The following CCPG1 variants were observed in gnomAD, a reference collection of about 807,000 sequenced individuals.
The protein encoded by CCPG1 is cell cycle progression protein 1.
CCPG1 carries 46 observed loss-of-function variants against 81.3 expected under a neutral mutation model. The ratio of observed to expected loss-of-function variants is 0.57; its 90% confidence interval spans 0.45 to 0.72. The LOEUF is 0.72. CCPG1 is among the 30% of genes least tolerant of loss of function. CCPG1 has a pLI of 0.00. For missense variants in CCPG1, 902 were observed against 937.6 expected, an observed-to-expected ratio of 0.96 and a Z score of 0.50; for synonymous variants, 330 against 305.2, an observed-to-expected ratio of 1.08 and a Z score of -0.85.
At chr15:55,400,708 G>C (rs184773190) in intron 1 of CCPG1, among the ~76,000 whole-genome samples, 1 of 152,068 alleles carries the variant, frequency 6.6e-6, no homozygotes, top group Non-Finnish European at 1.5e-5. Context: ...TTTAATTTCC[G>C]CTCATCTCAT....
In CCPG1 at chr15:55,359,641, A is replaced by G; in HGVS notation, c.2132T>C (p.Met711Thr). 1 of 1,613,450 alleles carries G rather than the reference A, an allele frequency of 6.2e-7. No individual in the cohort carries two copies. The highest frequency in any genetic ancestry group is 1.1e-5 in the South Asian group (1 of 91,046). ...ATCATTATCTACTTCATATTCCTTCATGTTTCTAAGATAATCTTTAACATC... is the reference window on the plus strand; with the variant it reads ...ATCATTATCTACTTCATATTCCTTCGTGTTTCTAAGATAATCTTTAACATC... ...VNDVKDYLRN[M>T]KEYEVDNDGV... The change falls in exon 8 of 9, where the codon ATG becomes ACG. Residue 711 changes from methionine to threonine, a missense_variant. Met to Thr is a moderately conservative substitution (Grantham distance 81). Transcript: ENST00000442196.
intron 3 of CCPG1, among the ~76,000 whole-genome samples, chr15:55,383,644 T>C (rs924033923): frequency 1.3e-5 from 2 of 152,256 alleles, no homozygotes; most frequent in East Asian, 3.8e-4. Context: ...CCTGGATAAC[T>C]TGGTGCGCCT....
rs57640801 is a variant in CCPG1 at position 55,379,161 on chromosome 15, C to CGTGTGTGT, written c.176-793_176-786dup. ...TTATGAAAGTATGTATGTATATGTA[C>CGTGTGTGT]GTGTGTGTGTGTGTGTGTGTGTGTG... is the stretch of plus-strand genomic sequence containing the variant. On this transcript the variant is annotated intron_variant, in intron 3 of 8. Transcript: ENST00000442196. Among the ~76,000 whole-genome samples, 500 of 134,674 alleles carry CGTGTGTGT rather than the reference C, an allele frequency of 3.7e-3. 9 individuals carry two copies. Among genetic ancestry groups the CGTGTGTGT allele is most frequent in the African/African-American group, 8.4e-3 (278 of 33,116 alleles). The allele number at this position is 134,674 out of a possible 152,430, so 88.4% of individuals were successfully genotyped here.
rs576854015 is a variant in CCPG1 at position 55,359,753 on chromosome 15, A to C, written c.2020T>G (p.Trp674Gly). The change falls in exon 8 of 9, where the codon TGG (tryptophan) becomes GGG (glycine). Residue 674 changes from tryptophan (W) to glycine (G), a missense_variant. Around this residue, in one of 3 missense-constraint regions of CCPG1, gnomAD observed 746 missense variants for 728.6 expected, o/e 1.02. Coordinates refer to ENST00000442196, the MANE Select transcript of CCPG1 (RefSeq NM_001204450.2). ...TTGATGAACTGATCAAGTTCGTTCC[A>C]GTGACAAAAAGTATCCAGTTCTTTT... ...MLKELDTFCH[W>G]NELDQFINKF... 6.2e-7 allele frequency: 1 copy of C among 1,613,504 alleles called. No homozygotes were observed. Among genetic ancestry groups the C allele is most frequent in the African/African-American group, 1.3e-5 (1 of 75,052 alleles).
At chr15:55,374,173 T>C (rs767855226) in intron 5 of CCPG1, 1 of 1,289,058 alleles carries the variant, frequency 7.8e-7, no homozygotes, top group South Asian at 1.2e-5. Flanking sequence ...GCGAGTTGGC[T>C]AGGAACATGG....
At chr15:55,399,417 C>CAAAAAAAAAA (rs56191750) in intron 1 of CCPG1, among the ~76,000 whole-genome samples, 117 of 62,210 alleles carry the variant, frequency 1.9e-3, no homozygotes, top group African/African-American at 3.2e-3. Flanking sequence ...ACTAAAAATA[C>CAAAAAAAAAA]AAAAAAAAAA....
intron 3 of CCPG1, among the ~76,000 whole-genome samples, chr15:55,384,026 C>T (rs1052931665): frequency 1.3e-5 from 2 of 152,218 alleles, no homozygotes; most frequent in African/African-American, 4.8e-5. Context: ...TAGCTTTTGA[C>T]ATGCCTTCCT....
intron 6 of CCPG1, among the ~76,000 whole-genome samples, chr15:55,368,761 T>G (rs960608967): frequency 3.3e-5 from 5 of 152,250 alleles, no homozygotes; most frequent in Non-Finnish European, 7.3e-5. Context: ...CAAATCTGTA[T>G]GGCACCAGGG....
At chr15:55,367,723 C>G (rs2056360984) in intron 6 of CCPG1, among the ~76,000 whole-genome samples, 1 of 152,104 alleles carries the variant, frequency 6.6e-6, no homozygotes, top group South Asian at 2.1e-4. Flanking sequence ...ATCTATTTAT[C>G]ATCTGGCAAA....
chr15:55,379,151 T>C (rs1177196886), intron 3 of CCPG1, among the ~76,000 whole-genome samples: 2 of 129,156 alleles, frequency 1.5e-5, no homozygotes, highest in Non-Finnish European at 3.2e-5. Context: ...AAAGTATGTA[T>C]GTATATGTAC....
intron 6 of CCPG1, among the ~76,000 whole-genome samples, chr15:55,366,942 T>TATAG (rs1441318088): frequency 6.6e-6 from 1 of 152,218 alleles, no homozygotes; most frequent in African/African-American, 2.4e-5. Flanking sequence ...ATCTACTGAG[T>TATAG]ATAGATACTA....
At chr15:55,397,606 C>T (rs78357768) in intron 1 of CCPG1, among the ~76,000 whole-genome samples, 2,869 of 152,248 alleles carry the variant, frequency 0.019, 89 homozygotes, top group African/African-American at 0.066. Context: ...AAGGATGACT[C>T]CTGGCCTCAC....
Position 55,365,177 on chromosome 15 carries a change from G to C in CCPG1, c.828+11C>G. 1 of 1,397,908 alleles carries C rather than the reference G, an allele frequency of 7.2e-7. No homozygotes were observed. The highest frequency in any genetic ancestry group is 9.9e-7 in the Non-Finnish European group (1 of 1,012,838). The allele number at this position is 1,397,908 out of a possible 1,614,324, so 86.6% of individuals were successfully genotyped here. A position where few individuals can be genotyped will look rare whatever the true frequency, so the allele number is the denominator to read the frequency against. ...CTAACAATTATTTTAAATACTGTTA[G>C]TGGTACATACCTTATAATCTATAAA... is the stretch of plus-strand genomic sequence containing the variant. On this transcript the variant is annotated intron_variant, in intron 7 of 8. Coordinates refer to ENST00000442196, the MANE Select transcript of CCPG1 (RefSeq NM_001204450.2).
intron 7 of CCPG1, among the ~76,000 whole-genome samples, chr15:55,363,587 G>A (rs1487948782): frequency 6.6e-6 from 1 of 150,406 alleles, no homozygotes; most frequent in Non-Finnish European, 1.5e-5. Flanking sequence ...AATGCCGCCA[G>A]TCTCCTCTGA....
chr15:55,355,514 A>G lies in CCPG1; in HGVS notation c.*706T>C. 8.6e-7 allele frequency: 1 copy of G among 1,159,912 alleles called. No individual in the cohort carries two copies. Among genetic ancestry groups the G allele is most frequent in the Non-Finnish European group, 1.2e-6 (1 of 818,128 alleles). The allele number at this position is 1,159,912 out of a possible 1,614,324, so 71.9% of individuals were successfully genotyped here. A position where few individuals can be genotyped will look rare whatever the true frequency, so the allele number is the denominator to read the frequency against. On this transcript the variant is annotated 3_prime_UTR_variant, in exon 9 of 9. Coordinates refer to ENST00000442196, the MANE Select transcript of CCPG1 (RefSeq NM_001204450.2). ...CTTCGGTAAACACTGGGTAAGATTC[A>G]TGGAACTTAGAAAAAAGCTGTATGA...
chr15:55,392,536 T>C (rs1010689420), intron 1 of CCPG1, among the ~76,000 whole-genome samples: 1 of 151,842 alleles, frequency 6.6e-6, no homozygotes, highest in South Asian at 2.1e-4. Flanking sequence ...TTTTTTAATT[T>C]TTGAGACAGG....
chr15:55,389,469 A>AT (rs777546218), intron 1 of CCPG1, 36 bp from the exon 2 acceptor site: 65 of 1,414,216 alleles, frequency 4.6e-5, no homozygotes, highest in Admixed American at 1.5e-4. Context: ...CATGAGACAC[A>AT]TTTTTTTTAA....
At chr15:55,406,403 T>C (rs2057220868) in intron 1 of CCPG1, among the ~76,000 whole-genome samples, 1 of 151,556 alleles carries the variant, frequency 6.6e-6, no homozygotes, top group African/African-American at 2.4e-5. Context: ...TTTATAACTG[T>C]GAATATCCTT....
intron 3 of CCPG1, among the ~76,000 whole-genome samples, chr15:55,379,831 G>A (rs2056644090): frequency 6.6e-6 from 1 of 152,054 alleles, no homozygotes; most frequent in African/African-American, 2.4e-5. Context: ...GGGCACAGTG[G>A]CTCAAACCTG....
Sources: allele counts gnomAD v4.1 joint callset (sites outside exome capture counted in the v4.1 genomes callset), GRCh38; gene constraint gnomAD v4.1.1; regional missense constraint gnomAD v4.1.1; transcripts MANE v1.5; gene names NCBI Gene and HGNC (gene_info 2026-07-23, HGNC 2026-07-21).